Variants in OMD observed in about 807,000 individuals in gnomAD.
The protein encoded by OMD is osteomodulin, also known as KSPG osteomodulin.
Under a neutral mutation model 31.2 loss-of-function variants are expected in OMD, and 19 were observed. The ratio of observed to expected loss-of-function variants is 0.61; its 90% CI spans 0.42 to 0.89. OMD has a LOEUF of 0.89. OMD is among the 40% of genes least tolerant of loss of function. OMD has a pLI of 0.00. For missense variants in OMD, 448 were observed against 490.8 expected (o/e 0.91, Z 0.82); for synonymous variants, 155 against 166.4 (o/e 0.93, Z 0.53).
intron 1 of OMD, among the ~76,000 whole-genome samples, chr9:92,420,225 A>G (rs2130967043): frequency 6.6e-6 from 1 of 152,202 alleles, no homozygotes; most frequent in East Asian, 1.9e-4. Flanking sequence ...ATAATTCTCC[A>G]ATTTCCGTGG....
chr9:92,421,248 C>T (rs926881668), intron 1 of OMD, among the ~76,000 whole-genome samples: 1 of 152,136 alleles, frequency 6.6e-6, no homozygotes, highest in Non-Finnish European at 1.5e-5. Flanking sequence ...CCATGTTGCT[C>T]AGGCTGGTCA....
Position 92,415,059 on chromosome 9 carries a change from A to G in OMD, c.*93T>C. The G allele has an allele frequency of 1.0e-6, 1 of 958,488 alleles. No homozygotes were observed. Among genetic ancestry groups the G allele is most frequent in the Non-Finnish European group, 1.5e-6 (1 of 663,284 alleles). 59.4% of individuals were successfully genotyped at this position (958,488 alleles called of 1,614,324 possible). A position where few individuals can be genotyped will look rare whatever the true frequency, so the allele number is the denominator to read the frequency against. ...ATCTTATACTAATACATAATTCTAA[A>G]TATATTACTTTGAGTAATACATGTT... On this transcript the variant is annotated 3_prime_UTR_variant, in exon 3 of 3. Transcript: ENST00000375550.
At position 92,412,667 on chromosome 9, in the gene OMD, T is replaced by A. The variant is rs1843476463; in HGVS notation, c.*2485A>T. Among the ~76,000 whole-genome samples, 1 of 152,226 alleles carries A rather than the reference T, an allele frequency of 6.6e-6. No individual in the cohort carries two copies. Among genetic ancestry groups the A allele is most frequent in the Admixed American group, 6.5e-5 (1 of 15,280 alleles). ...AGCATAATGTTTTCAAGGTTATCCA[T>A]GTTGTAGCATATGTCAGTGCTTCGT... On this transcript the variant is annotated 3_prime_UTR_variant, in exon 3 of 3. Coordinates refer to ENST00000375550, the MANE Select transcript of OMD (RefSeq NM_005014.3).
Position 92,415,192 on chromosome 9 carries a change from T to A in OMD, c.1226A>T (p.Glu409Val). 6.2e-7 allele frequency: 1 copy of A among 1,613,596 alleles called. No individual in the cohort carries two copies. The highest frequency in any genetic ancestry group is 8.5e-7 in the Non-Finnish European group (1 of 1,179,816). ...ATAATAATGAAGGTCAAAGTGCCCT[T>A]CTGCTCCTTCTTGTTCTGGGCTCTC... is the stretch of plus-strand genomic sequence containing the variant. ...AHESPEQEGAEGHFDLHYYEN... is the reference protein window; with the variant it reads ...AHESPEQEGAVGHFDLHYYEN... Residue 409 changes from glutamate (E) to valine (V), a missense_variant, in exon 3 of 3, where the codon GAA (glutamate) becomes GTA (valine). Coordinates refer to ENST00000375550, the MANE Select transcript of OMD (RefSeq NM_005014.3).
intron 1 of OMD, among the ~76,000 whole-genome samples, chr9:92,421,015 T>A (rs1843775846): frequency 6.6e-6 from 1 of 152,078 alleles, no homozygotes; most frequent in Non-Finnish European, 1.5e-5. Flanking sequence ...AGGAGCAAAA[T>A]AAGACTATTA....
At chr9:92,415,522 C>G (rs754783578) in intron 2 of OMD, 45 bp from the exon 3 acceptor site, 2 of 1,103,510 alleles carry the variant, frequency 1.8e-6, no homozygotes, top group South Asian at 3.6e-5. Flanking sequence ...ATAGTATAAT[C>G]CATAGTTATA....
chr9:92,418,658 G>C (rs550121550), intron 1 of OMD, among the ~76,000 whole-genome samples: 129 of 152,258 alleles, frequency 8.5e-4, no homozygotes, highest in African/African-American at 2.9e-3. Flanking sequence ...GCTTTTGCCT[G>C]GGAGATTCTA....
intron 1 of OMD, among the ~76,000 whole-genome samples, chr9:92,423,905 A>G (rs1299450744): frequency 6.6e-6 from 1 of 152,176 alleles, no homozygotes; most frequent in Non-Finnish European, 1.5e-5. Context: ...AGGAAGAGAA[A>G]GAGATTGATT....
Position 92,417,163 on chromosome 9 carries a change from A to T in OMD, c.396T>A (p.Ile132=), listed in dbSNP as rs1843639102. 1 of 1,613,768 alleles carries T rather than the reference A, an allele frequency of 6.2e-7. No homozygotes were observed. The highest frequency in any genetic ancestry group is 1.3e-5 in the African/African-American group (1 of 74,926). The change falls in exon 2 of 3, where the codon ATT becomes ATA. Residue 132 remains isoleucine, a synonymous_variant. Transcript: ENST00000375550. Reference sequence around the variant, plus strand: ...GAAGCTTAGCAAACACACCATAATCAATCTTTTGAGATTTAATTTTGTTGT... The same window carrying T: ...GAAGCTTAGCAAACACACCATAATCTATCTTTTGAGATTTAATTTTGTTGT... ...LSHNKIKSQK[I]DYGVFAKLPN...
At chr9:92,419,624 A>G (rs1843726933) in intron 1 of OMD, among the ~76,000 whole-genome samples, 1 of 152,180 alleles carries the variant, frequency 6.6e-6, no homozygotes, top group African/African-American at 2.4e-5. Context: ...TTGCCTGCTT[A>G]TCCGCCTGGT....
At chr9:92,420,175 G>T (rs184181168) in intron 1 of OMD, among the ~76,000 whole-genome samples, 2 of 151,942 alleles carry the variant, frequency 1.3e-5, no homozygotes, top group Admixed American at 6.6e-5. Context: ...TGAGTATTCC[G>T]CACTCAGACC....
chr9:92,418,259 G>T (rs1169793983), intron 1 of OMD, among the ~76,000 whole-genome samples: 1 of 151,278 alleles, frequency 6.6e-6, no homozygotes, highest in Admixed American at 6.6e-5. Flanking sequence ...GCTAATTTTT[G>T]TATTGTTAGT....
chr9:92,417,450 C>T lies in OMD; in HGVS notation c.109G>A (p.Asp37Asn). The T allele has an allele frequency of 6.2e-7, 1 of 1,613,990 alleles. No homozygotes were observed. The highest frequency in any genetic ancestry group is 1.1e-5 in the South Asian group (1 of 91,070). The stretch of plus-strand genomic sequence containing the variant: ...AATGGGAATCCTGTTTGGTAATCAT[C>T]ATCTGGCTCTTGGTCATAGTCTTCA... ...WDEDYDQEPD[D>N]DYQTGFPFRQ... is the part of the protein sequence containing the mutation. The change falls in exon 2 of 3, where the codon GAT becomes AAT. Residue 37 changes from aspartate (D) to asparagine (N), a missense_variant. Asp to Asn is a conservative substitution (Grantham distance 23). Coordinates refer to ENST00000375550, the MANE Select transcript of OMD (RefSeq NM_005014.3).
Position 92,415,332 on chromosome 9 carries a change from A to G in OMD, c.1086T>C (p.Tyr362=), listed in dbSNP as rs765200339. The G allele has an allele frequency of 4.3e-6, 7 of 1,613,640 alleles. No individual in the cohort carries two copies. In the South Asian group the frequency reaches 5.5e-5, roughly 13 times the overall value. ...FCFPHIHTIY[Y]GEQRSTNGQT... ...GACCATTAGTGCTTCGTTGTTCACC[A>G]TAATAAATAGTGTGTATATGAGGGA... The change falls in exon 3 of 3, where the codon TAT becomes TAC. Residue 362 remains tyrosine (Y), a synonymous_variant. Coordinates refer to ENST00000375550, the MANE Select transcript of OMD (RefSeq NM_005014.3).
intron 1 of OMD, 54 bp from the exon 2 acceptor site, chr9:92,417,628 C>T (rs993612769): frequency 3.1e-5 from 28 of 890,386 alleles, no homozygotes; most frequent in Non-Finnish European, 3.9e-5. Flanking sequence ...ACTCAGAATA[C>T]GCTTTGTATA....
chr9:92,417,035 G>A lies in OMD; in HGVS notation c.524C>T (p.Ser175Phe). ...ERLLLGYNEI[S>F]KLQTNAMDGL... Reference sequence around the variant, plus strand: ...ATCCATAGCATTTGTCTGCAGTTTGGAGATTTCATTGTAACCAAGAAGGAG... The same window carrying A: ...ATCCATAGCATTTGTCTGCAGTTTGAAGATTTCATTGTAACCAAGAAGGAG... The change falls in exon 2 of 3, where the codon TCC becomes TTC. Residue 175 changes from serine (S) to phenylalanine (F), a missense_variant. Coordinates refer to ENST00000375550, the MANE Select transcript of OMD (RefSeq NM_005014.3). 1.2e-6 allele frequency: 2 copies of A among 1,614,050 alleles called. No individual in the cohort carries two copies. Among genetic ancestry groups the A allele is most frequent in the Non-Finnish European group, 1.7e-6 (2 of 1,179,972 alleles).
chr9:92,419,851 G>C (rs2761680), intron 1 of OMD, among the ~76,000 whole-genome samples: 135,607 of 152,214 alleles, frequency 0.89, 60,559 homozygotes, highest in East Asian at 0.95. Flanking sequence ...TCCTGTTCAT[G>C]TAGAATGGTT....
At chr9:92,418,130 A>G (rs1223481820) in intron 1 of OMD, among the ~76,000 whole-genome samples, 2 of 151,334 alleles carry the variant, frequency 1.3e-5, no homozygotes, top group Non-Finnish European at 2.9e-5. Context: ...CTTGTCACCC[A>G]GGGTGGAGTG....
At chr9:92,418,631 T>C (rs1467029475) in intron 1 of OMD, among the ~76,000 whole-genome samples, 1 of 152,184 alleles carries the variant, frequency 6.6e-6, no homozygotes, top group Non-Finnish European at 1.5e-5. Context: ...AGGAAAGACC[T>C]TTATTTTAGT....
Sources: allele counts gnomAD v4.1 joint callset (sites outside exome capture counted in the v4.1 genomes callset), GRCh38; gene constraint gnomAD v4.1.1; transcripts MANE v1.5; gene names NCBI Gene and HGNC (gene_info 2026-07-23, HGNC 2026-07-21).